TMTC2: variants seen among roughly 807,000 people sequenced by gnomAD.
The protein encoded by TMTC2 is transmembrane O-mannosyltransferase targeting cadherins 2.
In TMTC2, 43 loss-of-function variants were observed where a neutral mutation model predicts 82.4. The observed-to-expected ratio is 0.52, with a 90% CI of 0.41 to 0.67. The LOEUF (loss-of-function observed/expected upper bound fraction) is 0.67, where lower values mean the gene tolerates loss of function less well. Ranked by LOEUF, TMTC2 falls within the 30% of genes least tolerant of loss-of-function variation. The probability of loss-of-function intolerance (pLI) is 0.00; values close to 1 mark genes in which losing one functional copy is unlikely to be tolerated. For missense variants in TMTC2, 919 were observed against 1,012.4 expected (o/e 0.91, Z 1.25); for synonymous variants, 408 against 381.9 (o/e 1.07, Z -0.80).
At chr12:82,817,523 C>T (rs1381059700) in intron 1 of TMTC2, among the ~76,000 whole-genome samples, 1 of 152,102 alleles carries the variant, frequency 6.6e-6, no homozygotes, top group Non-Finnish European at 1.5e-5. Flanking sequence ...CTGTTAAAAT[C>T]TGTTGCCCTT....
chr12:82,779,161 C>G (rs958654018), intron 1 of TMTC2, among the ~76,000 whole-genome samples: 8 of 151,816 alleles, frequency 5.3e-5, no homozygotes, highest in Non-Finnish European at 7.4e-5. Context: ...GGCAAGGAAT[C>G]CCAACATCAC....
intron 2 of TMTC2, among the ~76,000 whole-genome samples, chr12:82,859,111 A>G (rs1216968436): frequency 6.9e-6 from 1 of 145,190 alleles, no homozygotes; most frequent in Non-Finnish European, 1.5e-5. Context: ...CACTGTCGCC[A>G]GGCTGGAGTG....
intron 1 of TMTC2, among the ~76,000 whole-genome samples, chr12:82,818,480 C>A (rs578073055): frequency 2.5e-4 from 38 of 152,224 alleles, no homozygotes; most frequent in African/African-American, 6.3e-4. Context: ...ATGCCCTAGA[C>A]CATGATTCAA....
At chr12:82,729,041 C>G (rs538125225) in intron 1 of TMTC2, among the ~76,000 whole-genome samples, 18 of 152,356 alleles carry the variant, frequency 1.2e-4, no homozygotes, top group South Asian at 2.1e-4. Flanking sequence ...CCGAGCCTCC[C>G]CGACGAGCGC....
At chr12:82,824,224 T>C (rs1299997034) in intron 1 of TMTC2, among the ~76,000 whole-genome samples, 2 of 152,148 alleles carry the variant, frequency 1.3e-5, no homozygotes, top group Non-Finnish European at 2.9e-5. Flanking sequence ...AAATGTTTTG[T>C]ATGGATCTTA....
chr12:82,704,696 CT>C (rs1873259727), intron 1 of TMTC2, among the ~76,000 whole-genome samples: 1 of 148,744 alleles, frequency 6.7e-6, no homozygotes, highest in Non-Finnish European at 1.5e-5. Context: ...ATTATTTGTA[CT>C]TTAAGTTTTG....
At chr12:83,051,093 A>G in intron 10 of TMTC2, 75 bp downstream of exon 10, 1 of 1,014,416 alleles carries the variant, frequency 9.9e-7, no homozygotes, top group Non-Finnish European at 1.5e-6. Flanking sequence ...TTCCCATCAT[A>G]CACCTTATTC....
Position 83,124,375 on chromosome 12 carries a change from G to A in TMTC2, c.2332-7835G>A, listed in dbSNP as rs76382983. 4.8e-3 allele frequency among the ~76,000 whole-genome samples: 728 copies of A among 152,114 alleles called. 4 individuals are homozygous for A. The highest frequency in any genetic ancestry group is 0.017 in the African/African-American group (701 of 41,482). Reference sequence around the variant, plus strand: ...ATTCATTGAGAGTTTATTTTATATGGCAAAGCTTAGCACCAGTACTATAAA... The same window carrying A: ...ATTCATTGAGAGTTTATTTTATATGACAAAGCTTAGCACCAGTACTATAAA... On this transcript the variant is annotated intron_variant, in intron 11 of 11. Coordinates refer to ENST00000321196, the MANE Select transcript of TMTC2 (RefSeq NM_152588.3).
In TMTC2 at chr12:82,780,406, C is replaced by T. The variant is rs577387374; in HGVS notation, c.84-76604C>T. Among the ~76,000 whole-genome samples the T allele has an allele frequency of 2.6e-5, 4 of 152,018 alleles. No homozygotes were observed. In the East Asian group the frequency reaches 7.7e-4, roughly 29 times the overall value. ...TGATAACTTCCCTAAAATATCAGAC[C>T]CATTGCTTCATTTTCACAACAGTAA... is the stretch of plus-strand genomic sequence containing the variant. On this transcript the variant is annotated intron_variant, in intron 1 of 11. Coordinates refer to ENST00000321196, the MANE Select transcript of TMTC2 (RefSeq NM_152588.3).
chr12:82,780,583 C>A (rs1314607050), intron 1 of TMTC2, among the ~76,000 whole-genome samples: 1 of 152,046 alleles, frequency 6.6e-6, no homozygotes, highest in Non-Finnish European at 1.5e-5. Flanking sequence ...TTGCATGCTT[C>A]TTTGCTTCTT....
At chr12:83,106,858 T>C (rs1180144067) in intron 11 of TMTC2, among the ~76,000 whole-genome samples, 1 of 152,224 alleles carries the variant, frequency 6.6e-6, no homozygotes, top group East Asian at 1.9e-4. Flanking sequence ...ATATGGCCAC[T>C]GGCAGCCTTT....
At chr12:82,997,719 T>C (rs567617221) in intron 8 of TMTC2, among the ~76,000 whole-genome samples, 3 of 151,850 alleles carry the variant, frequency 2.0e-5, no homozygotes, top group South Asian at 4.2e-4. Context: ...ATTCCTAAAA[T>C]GTACAAAATC....
chr12:82,969,356 A>G (rs1403818901), intron 7 of TMTC2, among the ~76,000 whole-genome samples: 4 of 152,158 alleles, frequency 2.6e-5, no homozygotes, highest in Non-Finnish European at 5.9e-5. Context: ...CCCCTTCACA[A>G]CCACTACCCC....
In TMTC2 at chr12:82,997,370, A is replaced by G. The variant is rs55645030; in HGVS notation, c.2070+11324A>G. Among the ~76,000 whole-genome samples, 133 of 17,380 alleles carry G rather than the reference A, an allele frequency of 7.7e-3. 4 individuals carry two copies. The highest frequency in any genetic ancestry group is 0.013 in the Admixed American group (15 of 1,172). 11.4% of individuals were successfully genotyped at this position (17,380 alleles called of 152,430 possible). On this transcript the variant is annotated intron_variant, in intron 8 of 11. Coordinates refer to ENST00000321196, the MANE Select transcript of TMTC2 (RefSeq NM_152588.3). Reference sequence around the variant, plus strand: ...TGTGTATATATATATATATATGTGTATATATATATATGTGTATATATATAT... The same window carrying G: ...TGTGTATATATATATATATATGTGTGTATATATATATGTGTATATATATAT...
intron 4 of TMTC2, among the ~76,000 whole-genome samples, chr12:82,932,429 C>T (rs1201485883): frequency 1.3e-5 from 2 of 152,124 alleles, no homozygotes; most frequent in African/African-American, 4.8e-5. Flanking sequence ...TCTTCTGTGT[C>T]CTGCTTCACC....
intron 1 of TMTC2, among the ~76,000 whole-genome samples, chr12:82,823,975 C>T (rs557611305): frequency 6.6e-6 from 1 of 150,778 alleles, no homozygotes; most frequent in Non-Finnish European, 1.5e-5. Flanking sequence ...CTCTTTGCAA[C>T]CTCCGCTTCC....
chr12:82,947,325 A>ATT lies in TMTC2; in HGVS notation c.1598+16788_1598+16789dup, dbSNP rs11416434. 2.8e-3 allele frequency among the ~76,000 whole-genome samples: 417 copies of ATT among 147,650 alleles called. 4 individuals are homozygous for ATT. The highest frequency in any genetic ancestry group is 8.2e-3 in the African/African-American group (329 of 39,958). On this transcript the variant is annotated intron_variant, in intron 4 of 11. Coordinates refer to ENST00000321196, the MANE Select transcript of TMTC2 (RefSeq NM_152588.3). ...AAACTGGGTGTTGGAGCAGAGTGCAATTTTTTTTTCTTTTTTTTTCTTTTT... is the reference window on the plus strand; with the variant it reads ...AAACTGGGTGTTGGAGCAGAGTGCAATTTTTTTTTTTCTTTTTTTTTCTTTTT...
chr12:82,899,708 G>A lies in TMTC2; in HGVS notation c.1483+3062G>A, dbSNP rs925589828. ...TATATATATAAGAAAATATATATAT[G>A]TGGAATATATATATAAGAATATATA... On this transcript the variant is annotated intron_variant, in intron 3 of 11. Transcript: ENST00000321196. 2.1e-3 allele frequency among the ~76,000 whole-genome samples: 288 copies of A among 140,464 alleles called. 2 individuals carry two copies. Among genetic ancestry groups the A allele is most frequent in the African/African-American group, 7.0e-3 (268 of 38,282 alleles). The allele number at this position is 140,464 out of a possible 152,430, so 92.1% of individuals were successfully genotyped here. A position where few individuals can be genotyped will look rare whatever the true frequency, so the allele number is the denominator to read the frequency against.
rs1231839049 is a variant in TMTC2 at position 82,930,461 on chromosome 12, G to A, written c.1514G>A (p.Ser505Asn). Reference protein sequence around the residue: ...AWGNLGNVLKSQSKISEAESA... With the variant: ...AWGNLGNVLKNQSKISEAESA... ...GGTAACCTTGGAAATGTTCTGAAGA[G>A]TCAGAGCAAAATTTCTGAAGCTGAA... Residue 505 changes from serine (S) to asparagine (N), a missense_variant, in exon 4 of 12, where the codon AGT (serine) becomes AAT (asparagine). By Grantham distance (46) the Ser-to-Asn change is conservative (BLOSUM62 1). Transcript: ENST00000321196. The A allele has an allele frequency of 6.2e-7, 1 of 1,604,656 alleles. No homozygotes were observed. Among genetic ancestry groups the A allele is most frequent in the Admixed American group, 1.7e-5 (1 of 59,832 alleles).
Sources: gnomAD v4.1 joint callset for allele counts (sites outside exome capture counted in the v4.1 genomes callset) on GRCh38, gnomAD v4.1.1 for gene constraint, MANE v1.5 for transcripts, NCBI Gene and HGNC (gene_info 2026-07-23, HGNC 2026-07-21) for gene names.